The following PTPRK variants were observed in gnomAD, a reference collection of about 807,000 sequenced individuals.
The protein encoded by PTPRK is receptor-type tyrosine-protein phosphatase kappa.
Under a neutral mutation model 178.0 loss-of-function variants are expected in PTPRK, and 75 were observed. The observed-to-expected ratio is 0.42, with a 90% confidence interval of 0.35 to 0.51. The LOEUF (loss-of-function observed/expected upper bound fraction) is 0.51. Ranked by LOEUF, PTPRK falls within the 20% of genes least tolerant of loss-of-function variation. PTPRK has a pLI of 0.02. For synonymous variants in PTPRK, 637 were observed against 620.6 expected (o/e 1.03, Z -0.39); for missense variants, 1,441 against 1,797.8 (o/e 0.80, Z 3.59).
At chr6:128,499,509 T>A (rs934235050) in intron 1 of PTPRK, among the ~76,000 whole-genome samples, 23 of 152,248 alleles carry the variant, frequency 1.5e-4, no homozygotes, top group Non-Finnish European at 3.4e-4. Flanking sequence ...CTATATAAGT[T>A]AAATTACTCA....
intron 1 of PTPRK, among the ~76,000 whole-genome samples, chr6:128,415,584 T>C (rs866929145): frequency 1.3e-5 from 2 of 152,060 alleles, no homozygotes; most frequent in Middle Eastern, 3.4e-3. Flanking sequence ...ATAATGTCCA[T>C]TTGTTAAGTT....
chr6:128,136,071 C>T (rs897510282), intron 7 of PTPRK, among the ~76,000 whole-genome samples: 3 of 151,966 alleles, frequency 2.0e-5, no homozygotes, highest in African/African-American at 7.3e-5. Flanking sequence ...TCTCTGGTGT[C>T]CCATAAGAAG....
At chr6:128,152,260 G>A (rs748426818) in intron 7 of PTPRK, among the ~76,000 whole-genome samples, 28 of 152,002 alleles carry the variant, frequency 1.8e-4, no homozygotes, top group Non-Finnish European at 3.7e-4. Context: ...AGAATGGGAC[G>A]TCGTCAGAGC....
At chr6:128,256,784 A>C (rs1817406131) in intron 3 of PTPRK, among the ~76,000 whole-genome samples, 2 of 152,176 alleles carry the variant, frequency 1.3e-5, no homozygotes, top group Admixed American at 6.5e-5. Context: ...ATTCAAAAAA[A>C]AGATGATTCC....
chr6:128,452,290 C>T (rs963521676), intron 1 of PTPRK, among the ~76,000 whole-genome samples: 1 of 152,102 alleles, frequency 6.6e-6, no homozygotes, highest in Non-Finnish European at 1.5e-5. Flanking sequence ...CATGGTCATC[C>T]GAGTCCTCTC....
chr6:128,285,296 C>T (rs1246933353), intron 3 of PTPRK, among the ~76,000 whole-genome samples: 1 of 151,408 alleles, frequency 6.6e-6, no homozygotes, highest in Non-Finnish European at 1.5e-5. Context: ...AGGCGGGTCA[C>T]CTGAGGTCAG....
chr6:128,505,058 A>G (rs1226518149), intron 1 of PTPRK, among the ~76,000 whole-genome samples: 1 of 150,946 alleles, frequency 6.6e-6, no homozygotes, highest in African/African-American at 2.4e-5. Context: ...TTGAGACTGA[A>G]TCTGGTCAAA....
At chr6:128,399,748 G>T (rs191496767) in intron 1 of PTPRK, among the ~76,000 whole-genome samples, 1 of 152,206 alleles carries the variant, frequency 6.6e-6, no homozygotes, top group Non-Finnish European at 1.5e-5. Context: ...GGCCTTAATT[G>T]CTCTCCTTCA....
intron 1 of PTPRK, among the ~76,000 whole-genome samples, chr6:128,440,171 G>A (rs1846099408): frequency 6.6e-6 from 1 of 152,160 alleles, no homozygotes; most frequent in South Asian, 2.1e-4. Flanking sequence ...GGGGGTTCTG[G>A]AACAAATCCC....
At chr6:128,470,091 A>G (rs1850414126) in intron 1 of PTPRK, among the ~76,000 whole-genome samples, 1 of 152,142 alleles carries the variant, frequency 6.6e-6, no homozygotes, top group South Asian at 2.1e-4. Context: ...TACATACTTC[A>G]ACAACTAACA....
intron 15 of PTPRK, among the ~76,000 whole-genome samples, chr6:128,002,029 C>A (rs780286289): frequency 1.7e-4 from 26 of 151,732 alleles, no homozygotes; most frequent in Non-Finnish European, 3.1e-4. Flanking sequence ...CAGTTCACTT[C>A]CTAACCATTA....
chr6:128,086,948 AT>A (rs1785959182), intron 8 of PTPRK, among the ~76,000 whole-genome samples: 1 of 152,126 alleles, frequency 6.6e-6, no homozygotes, highest in South Asian at 2.1e-4. Context: ...AGGATTGAAA[AT>A]GATATTAAAA....
At chr6:128,253,482 C>A (rs1816807336) in intron 3 of PTPRK, among the ~76,000 whole-genome samples, 1 of 152,124 alleles carries the variant, frequency 6.6e-6, no homozygotes, top group Non-Finnish European at 1.5e-5. Context: ...AGTTAGTTGT[C>A]TGGTACAAAA....
chr6:128,502,663 C>A (rs1272981191), intron 1 of PTPRK, among the ~76,000 whole-genome samples: 1 of 151,996 alleles, frequency 6.6e-6, no homozygotes, highest in African/African-American at 2.4e-5. Context: ...TTAGTCACAA[C>A]CATTATTTAA....
chr6:127,997,103 T>C (rs1777244386), intron 16 of PTPRK, 115 bp from the exon 17 acceptor site: 1 of 1,009,516 alleles, frequency 9.9e-7, no homozygotes, highest in African/African-American at 1.6e-5. Context: ...AAAGCAGTCC[T>C]ACAGTAGTAA....
rs1307253485 is a variant in PTPRK, at chr6:128,520,462, G to T, written c.-104C>A. On this transcript the variant is annotated 5_prime_UTR_variant, in exon 1 of 30. Transcript: ENST00000368226. ...GGGCCGGGCCTCGCGGGGTGAGGACGGTGAGAGGACAGCCGCCCGCCCGCC... is the reference window on the plus strand; with the variant it reads ...GGGCCGGGCCTCGCGGGGTGAGGACTGTGAGAGGACAGCCGCCCGCCCGCC... 3.6e-6 allele frequency: 4 copies of T among 1,102,520 alleles called. No homozygotes were observed. The South Asian group carries it at 5.7e-5, about 16-fold the overall frequency. 68.3% of individuals were successfully genotyped at this position (1,102,520 alleles called of 1,614,324 possible). A position where few individuals can be genotyped will look rare whatever the true frequency, so the allele number is the denominator to read the frequency against.
rs563953165 is a variant in PTPRK, at chr6:128,145,263, C to G, written c.1162+39169G>C. Among the ~76,000 whole-genome samples, 21 of 151,962 alleles carry G rather than the reference C, an allele frequency of 1.4e-4. No individual in the cohort carries two copies. The East Asian group carries it at 3.7e-3, about 27-fold the overall frequency. The stretch of plus-strand genomic sequence containing the variant: ...TGTGTTCCTATCACACGCACACACA[C>G]ACAGACACACACGTAATAATAATAA... On this transcript the variant is annotated intron_variant, in intron 7 of 29. Coordinates refer to ENST00000368226, the MANE Select transcript of PTPRK (RefSeq NM_002844.4).
chr6:128,316,171 C>A (rs934800528), intron 3 of PTPRK, among the ~76,000 whole-genome samples: 2 of 152,106 alleles, frequency 1.3e-5, no homozygotes, highest in Admixed American at 1.3e-4. Flanking sequence ...AAGAAGTATG[C>A]AAAACAAGAA....
intron 7 of PTPRK, among the ~76,000 whole-genome samples, chr6:128,161,554 C>A (rs1334837770): frequency 8.6e-5 from 13 of 151,602 alleles, no homozygotes; most frequent in Non-Finnish European, 7.4e-5. Context: ...TTGTTTAGTG[C>A]AAGCCAATTG....
Sources: allele counts gnomAD v4.1 joint callset (sites outside exome capture counted in the v4.1 genomes callset), GRCh38; gene constraint gnomAD v4.1.1; transcripts MANE v1.5; gene names NCBI Gene and HGNC (gene_info 2026-07-23, HGNC 2026-07-21).